CYTH3: variants seen among roughly 807,000 people sequenced by gnomAD.
The protein encoded by CYTH3 is cytohesin 3, also known as cytohesin-3.
In CYTH3, 23 loss-of-function variants were observed where a neutral mutation model predicts 55.1. The ratio of observed to expected loss-of-function variants is 0.42; its 90% CI spans 0.30 to 0.59. CYTH3 has a LOEUF of 0.59. Ranked by LOEUF, CYTH3 falls within the 20% of genes least tolerant of loss-of-function variation. CYTH3 has a pLI of 0.20. For synonymous variants in CYTH3, 249 were observed against 194.9 expected (o/e 1.28, Z -2.31); for missense variants, 413 against 524.8 (o/e 0.79, Z 2.08).
chr7:6,168,445 C>T (rs1278875856), intron 9 of CYTH3, among the ~76,000 whole-genome samples: 1 of 152,126 alleles, frequency 6.6e-6, no homozygotes, highest in South Asian at 2.1e-4. Context: ...CTAGATCCTG[C>T]ACCCATCTCG....
intron 1 of CYTH3, among the ~76,000 whole-genome samples, chr7:6,265,836 C>A (rs572636267): frequency 2.4e-4 from 36 of 152,006 alleles, no homozygotes; most frequent in South Asian, 4.2e-4. Context: ...AGGCTTAAGG[C>A]AAAAGAAGTG....
intron 4 of CYTH3, among the ~76,000 whole-genome samples, chr7:6,184,368 G>A (rs1783586033): frequency 1.3e-5 from 2 of 151,420 alleles, no homozygotes; most frequent in South Asian, 4.2e-4. Context: ...CCCCCTCTGT[G>A]GTATTGTGTT....
intron 1 of CYTH3, among the ~76,000 whole-genome samples, chr7:6,216,186 G>C (rs564896588): frequency 6.6e-6 from 1 of 152,052 alleles, no homozygotes; most frequent in African/African-American, 2.4e-5. Context: ...CACGTTTCAC[G>C]GTTGAGGCAA....
rs944904077 is a variant in CYTH3 at position 6,167,488 on chromosome 7, C to T, written c.824-1678G>A. ...TCGCCTCTGCTTCCCTCCAGAGACT[C>T]CAGAGCAGGCCCCGCTCCAGCTGCA... On this transcript the variant is annotated intron_variant, in intron 9 of 12. Coordinates refer to ENST00000350796, the MANE Select transcript of CYTH3 (RefSeq NM_004227.4). The surrounding 1 kb of genome is among the most constrained non-coding windows in gnomAD (Gnocchi z 5.5). Among the ~76,000 whole-genome samples the T allele has an allele frequency of 6.6e-6, 1 of 152,248 alleles. No homozygotes were observed. The highest frequency in any genetic ancestry group is 1.5e-5 in the Non-Finnish European group (1 of 68,036).
At chr7:6,259,794 T>A (rs919550382) in intron 1 of CYTH3, among the ~76,000 whole-genome samples, 1 of 18,058 alleles carries the variant, frequency 5.5e-5, no homozygotes, top group Non-Finnish European at 7.9e-5. Flanking sequence ...AATATATATA[T>A]ATATATATAT....
intron 4 of CYTH3, among the ~76,000 whole-genome samples, chr7:6,182,204 T>C (rs986355327): frequency 6.6e-6 from 1 of 152,082 alleles, no homozygotes; most frequent in Non-Finnish European, 1.5e-5. Context: ...CCTGCTACCA[T>C]ACCCAGCTAA....
intron 1 of CYTH3, among the ~76,000 whole-genome samples, chr7:6,271,913 G>A (rs1283061801): frequency 6.6e-6 from 1 of 151,748 alleles, no homozygotes; most frequent in Non-Finnish European, 1.5e-5. Flanking sequence ...CCCCCTCCCC[G>A]TTCGAGCAAA....
At chr7:6,224,382 T>A (rs958339503) in intron 1 of CYTH3, among the ~76,000 whole-genome samples, 1 of 151,688 alleles carries the variant, frequency 6.6e-6, no homozygotes, top group African/African-American at 2.4e-5. Context: ...CATATATTAT[T>A]AAAAGTATTT....
At chr7:6,230,056 C>T (rs1474124400) in intron 1 of CYTH3, among the ~76,000 whole-genome samples, 6 of 150,738 alleles carry the variant, frequency 4.0e-5, no homozygotes, top group African/African-American at 1.5e-4. Flanking sequence ...ATCGCTTGAT[C>T]CTGGGAGGTG....
At chr7:6,200,040 C>T (rs986306415) in intron 1 of CYTH3, among the ~76,000 whole-genome samples, 2 of 152,082 alleles carry the variant, frequency 1.3e-5, no homozygotes, top group African/African-American at 2.4e-5. Context: ...TCTAAGAGCC[C>T]ATCAATTGTA....
chr7:6,178,430 A>G lies in CYTH3; in HGVS notation c.250-489T>C, dbSNP rs1049495586. 3.3e-5 allele frequency among the ~76,000 whole-genome samples: 5 copies of G among 152,212 alleles called. No individual in the cohort carries two copies. In the East Asian group the frequency reaches 9.6e-4, roughly 29 times the overall value. The stretch of plus-strand genomic sequence containing the variant: ...TTCCTGGCTGCCTTTGGCACTAGAA[A>G]TGACCTTGTGACCCAGATCTGGCCA... On this transcript the variant is annotated intron_variant, in intron 4 of 12. Coordinates refer to ENST00000350796, the MANE Select transcript of CYTH3 (RefSeq NM_004227.4).
chr7:6,194,177 G>A (rs201696693), intron 1 of CYTH3, among the ~76,000 whole-genome samples: 1 of 152,360 alleles, frequency 6.6e-6, no homozygotes, highest in African/African-American at 2.4e-5. Context: ...AAAGCAAAAA[G>A]GGATAAAAGT....
intron 1 of CYTH3, among the ~76,000 whole-genome samples, chr7:6,203,843 C>G (rs1053511104): frequency 5.9e-5 from 9 of 151,974 alleles, no homozygotes; most frequent in African/African-American, 1.5e-4. Flanking sequence ...CTCAGCCTCC[C>G]GAGTAGCTGG....
In CYTH3 at chr7:6,170,719, G is replaced by A. The variant is rs1783157602; in HGVS notation, c.712-73C>T. 3 of 1,571,034 alleles carry A rather than the reference G, an allele frequency of 1.9e-6. No homozygotes were observed. Among genetic ancestry groups the A allele is most frequent in the Non-Finnish European group, 2.6e-6 (3 of 1,156,230 alleles). On this transcript the variant is annotated intron_variant, in intron 8 of 12. Coordinates refer to ENST00000350796, the MANE Select transcript of CYTH3 (RefSeq NM_004227.4). The surrounding 1 kb of genome is among the most constrained non-coding windows in gnomAD (Gnocchi z 7.8). ...GGCTGGCCGGGCAGAAAGCTCAGCG[G>A]GACCAGGGCGGCAAGGAGGCTTGGG...
At chr7:6,210,858 A>G (rs997967827) in intron 1 of CYTH3, among the ~76,000 whole-genome samples, 1 of 152,196 alleles carries the variant, frequency 6.6e-6, no homozygotes, top group Non-Finnish European at 1.5e-5. Context: ...GAGTTGTTAC[A>G]CTTAAAATGC....
Position 6,170,498 on chromosome 7 carries a change from G to C in CYTH3, c.823+37C>G, listed in dbSNP as rs879178328. On this transcript the variant is annotated intron_variant, in intron 9 of 12. Coordinates refer to ENST00000350796, the MANE Select transcript of CYTH3 (RefSeq NM_004227.4). This position sits in a 1 kb window ranked among gnomAD's most constrained non-coding sequence, Gnocchi z 7.8. Reference sequence around the variant, plus strand: ...CCGAGGGGCTGCTGCCATGGGCAGAGGGGTCACGCCCGGGTCCCGCTGGGC... The same window carrying C: ...CCGAGGGGCTGCTGCCATGGGCAGACGGGTCACGCCCGGGTCCCGCTGGGC... 1.9e-6 allele frequency: 3 copies of C among 1,587,712 alleles called. No individual in the cohort carries two copies. Among genetic ancestry groups the C allele is most frequent in the South Asian group, 1.1e-5 (1 of 89,672 alleles).
At chr7:6,187,582 T>C (rs1264517140) in intron 3 of CYTH3, 75 bp downstream of exon 3, 4 of 1,337,266 alleles carry the variant, frequency 3.0e-6, no homozygotes, top group Non-Finnish European at 4.3e-6. Context: ...CACCCCACTT[T>C]CTGCAAGTTT....
At chr7:6,236,156 G>C (rs1779517001) in intron 1 of CYTH3, among the ~76,000 whole-genome samples, 1 of 152,002 alleles carries the variant, frequency 6.6e-6, no homozygotes, top group Non-Finnish European at 1.5e-5. Flanking sequence ...ACACAGACAA[G>C]GGTTTTAGAA....
chr7:6,248,395 C>G lies in CYTH3; in HGVS notation c.34+24079G>C, dbSNP rs151116485. Among the ~76,000 whole-genome samples, 615 of 152,248 alleles carry G rather than the reference C, an allele frequency of 4.0e-3. 4 individuals are homozygous for G. The highest frequency in any genetic ancestry group is 0.014 in the African/African-American group (593 of 41,538). On this transcript the variant is annotated intron_variant, in intron 1 of 12. Transcript: ENST00000350796. Reference sequence around the variant, plus strand: ...CTGCCTATTCAGAGATGTGGTCCATCTTCAAGGGAACGTCAGCTCTGGGAG... The same window carrying G: ...CTGCCTATTCAGAGATGTGGTCCATGTTCAAGGGAACGTCAGCTCTGGGAG...
Sources: allele counts gnomAD v4.1 joint callset (sites outside exome capture counted in the v4.1 genomes callset), GRCh38; gene constraint gnomAD v4.1.1; non-coding constraint Gnocchi (gnomAD v3.1); transcripts MANE v1.5; gene names NCBI Gene and HGNC (gene_info 2026-07-23, HGNC 2026-07-21).